RNF13: variants seen among roughly 807,000 people sequenced by gnomAD.
The protein encoded by RNF13 is ring finger protein 13, also known as E3 ubiquitin-protein ligase RNF13.
RNF13 carries 19 observed loss-of-function variants against 37.7 expected under a neutral mutation model. The observed-to-expected ratio is 0.50, with a 90% confidence interval of 0.35 to 0.74. The LOEUF (loss-of-function observed/expected upper bound fraction) is 0.74. RNF13 is among the 30% of genes least tolerant of loss of function. The pLI is 0.01. For missense variants in RNF13, 375 were observed against 453.0 expected (o/e 0.83, Z 1.56); for synonymous variants, 144 against 157.8 (o/e 0.91, Z 0.65).
chr3:149,880,130 T>G (rs901982517), intron 4 of RNF13, among the ~76,000 whole-genome samples: 1 of 152,196 alleles, frequency 6.6e-6, no homozygotes, highest in Admixed American at 6.5e-5. Flanking sequence ...ACAGTTACTT[T>G]TCAAGTGCAA....
chr3:149,833,118 C>CTCTTTTTTT (rs1306537184), intron 1 of RNF13, among the ~76,000 whole-genome samples: 1,670 of 111,930 alleles, frequency 0.015, 33 homozygotes, highest in Non-Finnish European at 0.02. Context: ...CTCTCTCTCT[C>CTCTTTTTTT]TTTTTTTTTT....
intron 4 of RNF13, among the ~76,000 whole-genome samples, chr3:149,876,405 A>G (rs542312513): frequency 6.6e-6 from 1 of 152,284 alleles, no homozygotes; most frequent in South Asian, 2.1e-4. Flanking sequence ...ATGGAGGTAC[A>G]TTTGGATTGT....
chr3:149,831,504 C>A (rs1721049572), intron 1 of RNF13, among the ~76,000 whole-genome samples: 1 of 152,160 alleles, frequency 6.6e-6, no homozygotes, highest in Non-Finnish European at 1.5e-5. Flanking sequence ...CTTGTTTCTG[C>A]CAGTTTCTCC....
intron 8 of RNF13, among the ~76,000 whole-genome samples, chr3:149,934,432 G>T (rs898484897): frequency 2.0e-5 from 3 of 151,896 alleles, no homozygotes; most frequent in African/African-American, 7.3e-5. Context: ...GAGGTGGATT[G>T]TTCAGTTGTT....
At chr3:149,842,566 A>G (rs1722283825) in intron 1 of RNF13, among the ~76,000 whole-genome samples, 1 of 152,218 alleles carries the variant, frequency 6.6e-6, no homozygotes, top group African/African-American at 2.4e-5. Flanking sequence ...TATAAATTCC[A>G]TATTTTTTAC....
Position 149,914,811 on chromosome 3 carries a change from G to A in RNF13, c.606+2728G>A, listed in dbSNP as rs574554384. Reference sequence around the variant, plus strand: ...AATTTAGCTGGGTGTGGTGGCAGGCGTCTATAATCCCAGCTACTCGGGAGG... The same window carrying A: ...AATTTAGCTGGGTGTGGTGGCAGGCATCTATAATCCCAGCTACTCGGGAGG... On this transcript the variant is annotated intron_variant, in intron 7 of 9. Transcript: ENST00000392894. Among the ~76,000 whole-genome samples, 36 of 151,978 alleles carry A rather than the reference G, an allele frequency of 2.4e-4. No individual in the cohort carries two copies. In the South Asian group the frequency reaches 4.8e-3, roughly 20 times the overall value.
In RNF13 at chr3:149,857,750, G is replaced by T. The variant is rs573836260; in HGVS notation, c.195+5154G>T. 7.2e-5 allele frequency among the ~76,000 whole-genome samples: 11 copies of T among 152,266 alleles called. No individual in the cohort carries two copies. The South Asian group carries it at 2.3e-3, about 32-fold the overall frequency. On this transcript the variant is annotated intron_variant, in intron 3 of 9. Transcript: ENST00000392894. ...CCTTCCCCCACTCTATGCTTAGGAG[G>T]CCAAGAATTATTATTGTATAATGTA...
intron 1 of RNF13, among the ~76,000 whole-genome samples, chr3:149,832,542 C>T (rs1721165127): frequency 6.6e-6 from 1 of 152,064 alleles, no homozygotes; most frequent in Admixed American, 6.6e-5. Flanking sequence ...TGTGTACCAG[C>T]CAGTTTGCTC....
At position 149,912,039 on chromosome 3, in the gene RNF13, CT is replaced by C; in HGVS notation, c.564del (p.Ile189SerfsTer2). On this transcript the variant is annotated frameshift_variant, in exon 7 of 10. Coordinates refer to ENST00000392894, the MANE Select transcript of RNF13 (RefSeq NM_183381.3). LOFTEE classifies it high-confidence loss of function. Reference sequence around the variant, plus strand: ...TTTGGAATACTACCTAATTCCCTTCCTTATCATAGTGGGCATCTGTCTCATC... The same window carrying C: ...TTTGGAATACTACCTAATTCCCTTCCTATCATAGTGGGCATCTGTCTCATC... Reference protein sequence around the residue: ...LPLEYYLIPFLIIVGICLILI... With the variant: ...LPLEYYLIPFXIIVGICLILI... 6.3e-7 allele frequency: 1 copy of C among 1,597,532 alleles called. No individual in the cohort carries two copies. Among genetic ancestry groups the C allele is most frequent in the Non-Finnish European group, 8.6e-7 (1 of 1,165,954 alleles).
intron 8 of RNF13, among the ~76,000 whole-genome samples, chr3:149,927,221 C>T (rs1441284829): frequency 1.3e-5 from 2 of 152,166 alleles, no homozygotes; most frequent in Non-Finnish European, 2.9e-5. Context: ...AGGTACCTCA[C>T]GTAAGTGGAA....
intron 8 of RNF13, among the ~76,000 whole-genome samples, chr3:149,945,942 G>A (rs1056227643): frequency 3.3e-5 from 5 of 152,110 alleles, no homozygotes; most frequent in Admixed American, 6.6e-5. Context: ...AAGACCAAAG[G>A]TAGATAAAAC....
intron 8 of RNF13, among the ~76,000 whole-genome samples, chr3:149,947,656 T>G (rs1310680103): frequency 6.6e-6 from 1 of 152,138 alleles, no homozygotes; most frequent in East Asian, 1.9e-4. Flanking sequence ...CGCCTGGGCC[T>G]CCCAAAGTGC....
At chr3:149,825,546 C>G (rs1413102405) in intron 1 of RNF13, among the ~76,000 whole-genome samples, 1 of 152,186 alleles carries the variant, frequency 6.6e-6, no homozygotes, top group African/African-American at 2.4e-5. Context: ...GCACACCTAC[C>G]CATCAGCACC....
chr3:149,887,123 C>T (rs773069004), intron 4 of RNF13, among the ~76,000 whole-genome samples: 20 of 152,132 alleles, frequency 1.3e-4, no homozygotes, highest in Admixed American at 4.6e-4. Context: ...ATTCCCCGCC[C>T]GCTTCCCGGC....
At chr3:149,927,213 G>A (rs1452638344) in intron 8 of RNF13, among the ~76,000 whole-genome samples, 1 of 152,050 alleles carries the variant, frequency 6.6e-6, no homozygotes, top group East Asian at 1.9e-4. Flanking sequence ...ACTACTGTAG[G>A]TACCTCACGT....
chr3:149,897,755 C>T (rs971573979), intron 5 of RNF13, among the ~76,000 whole-genome samples: 3 of 152,250 alleles, frequency 2.0e-5, no homozygotes, highest in Middle Eastern at 3.4e-3. Flanking sequence ...TCAGAAGAGG[C>T]TTGTATCTGT....
chr3:149,850,535 A>G (rs1049412695), intron 2 of RNF13, among the ~76,000 whole-genome samples: 2 of 152,246 alleles, frequency 1.3e-5, no homozygotes, highest in African/African-American at 4.8e-5. Context: ...CAAGTACTGT[A>G]GTTCAAGCTA....
intron 4 of RNF13, among the ~76,000 whole-genome samples, chr3:149,885,742 G>A (rs1485865953): frequency 1.6e-4 from 24 of 152,040 alleles, no homozygotes; most frequent in Admixed American, 1.6e-3. Context: ...CTTGATAGGA[G>A]TCCATTTGTC....
At chr3:149,913,687 CTCTCAACCTGAT>C (rs1283630542) in intron 7 of RNF13, among the ~76,000 whole-genome samples, 1 of 152,136 alleles carries the variant, frequency 6.6e-6, no homozygotes, top group Non-Finnish European at 1.5e-5. Flanking sequence ...TGTAGAATGT[CTCTCAACCTGAT>C]TTTTTTCTCA....
Sources: gnomAD v4.1 joint callset for allele counts (sites outside exome capture counted in the v4.1 genomes callset) on GRCh38, gnomAD v4.1.1 for gene constraint, MANE v1.5 for transcripts, NCBI Gene and HGNC (gene_info 2026-07-23, HGNC 2026-07-21) for gene names.